HCN4: variants seen among roughly 807,000 people sequenced by gnomAD.
HCN4 encodes the protein potassium/sodium hyperpolarization-activated cyclic nucleotide-gated channel 4.
In HCN4, 29 loss-of-function variants were observed where a neutral mutation model predicts 76.9. The observed-to-expected ratio is 0.38, with a 90% CI of 0.28 to 0.51. HCN4 has a LOEUF of 0.51. Ranked by LOEUF, HCN4 falls within the 20% of genes least tolerant of loss-of-function variation. The pLI is 0.90. For synonymous variants in HCN4, 772 were observed against 762.5 expected (o/e 1.01, Z -0.21); for missense variants, 1,416 against 1,715.2 (o/e 0.83, Z 3.08).
rs759356193 is a variant in HCN4 at position 73,322,891 on chromosome 15, G to A, written c.3202C>T (p.Arg1068Cys). The change falls in exon 8 of 8, where the codon CGC becomes TGC. Residue 1068 changes from arginine (R) to cysteine (C), a missense_variant. Arg to Cys is a radical substitution (Grantham distance 180). This residue lies in a region of HCN4 where 633 missense variants were observed against 579.8 expected (regional missense o/e 1.09). Transcript: ENST00000261917. The part of the protein sequence containing the change: ...SSPPPPQVPQ[R>C]RGTPPLTPGR... ...GGGGTGAGCGGGGGTGTGCCCCGGC[G>A]CTGGGGGACCTGGGGTGGTGGGGGG... 27 of 1,446,378 alleles carry A rather than the reference G, an allele frequency of 1.9e-5. No individual in the cohort carries two copies. Among genetic ancestry groups the A allele is most frequent in the African/African-American group, 5.6e-5 (4 of 70,918 alleles). The allele number at this position is 1,446,378 out of a possible 1,614,324, so 89.6% of individuals were successfully genotyped here. A position where few individuals can be genotyped will look rare whatever the true frequency, so the allele number is the denominator to read the frequency against.
rs183160777 is a variant in HCN4, at chr15:73,343,168, T to G, written c.1209+217A>C. Among the ~76,000 whole-genome samples the G allele has an allele frequency of 2.6e-4, 40 of 152,358 alleles. 1 individual carries two copies. The highest frequency in any genetic ancestry group is 4.4e-5 in the Non-Finnish European group (3 of 68,038). ...GAGTATATACATGTACCTATATGGT[T>G]CCCTCTATAGCTGTTACACACTTCA... On this transcript the variant is annotated intron_variant, in intron 2 of 7. Coordinates refer to ENST00000261917, the MANE Select transcript of HCN4 (RefSeq NM_005477.3). This position sits in a 1 kb window ranked among gnomAD's most constrained non-coding sequence, Gnocchi z 5.7.
chr15:73,358,519 G>C (rs1042998940), intron 1 of HCN4, among the ~76,000 whole-genome samples: 1 of 152,170 alleles, frequency 6.6e-6, no homozygotes, highest in Non-Finnish European at 1.5e-5. Flanking sequence ...CCTGCCTTCT[G>C]GGCCTAGTAA....
chr15:73,353,175 C>T (rs2043062805), intron 1 of HCN4, among the ~76,000 whole-genome samples: 1 of 152,184 alleles, frequency 6.6e-6, no homozygotes, highest in Non-Finnish European at 1.5e-5. Flanking sequence ...CTCTGAGTTT[C>T]TCCATTTCAC....
At chr15:73,326,793 A>ATTTTTTTT (rs990120364) in intron 4 of HCN4, among the ~76,000 whole-genome samples, 1 of 144,886 alleles carries the variant, frequency 6.9e-6, no homozygotes, top group African/African-American at 2.5e-5. Flanking sequence ...TTATTTATTT[A>ATTTTTTTT]TTTTTTTTGT....
At chr15:73,326,565 G>C (rs957233946) in intron 4 of HCN4, among the ~76,000 whole-genome samples, 3 of 152,118 alleles carry the variant, frequency 2.0e-5, no homozygotes, top group Non-Finnish European at 4.4e-5. Flanking sequence ...GTCTGGACAT[G>C]GGGCAGGAGT....
chr15:73,343,833 C>T lies in HCN4; in HGVS notation c.786-25G>A, dbSNP rs371928726. 18 of 1,612,316 alleles carry T rather than the reference C, an allele frequency of 1.1e-5. No homozygotes were observed. The highest frequency in any genetic ancestry group is 1.1e-4 in the African/African-American group (8 of 74,802). ...TCTGCCCAGAGACACAGGGGTCAGTCGCCAGGAAGAGAGAGAGGACAAGTT... is the reference window on the plus strand; with the variant it reads ...TCTGCCCAGAGACACAGGGGTCAGTTGCCAGGAAGAGAGAGAGGACAAGTT... On this transcript the variant is annotated intron_variant, in intron 1 of 7. Transcript: ENST00000261917. This position sits in a 1 kb window ranked among gnomAD's most constrained non-coding sequence, Gnocchi z 5.7.
At chr15:73,357,740 G>A (rs1019570735) in intron 1 of HCN4, among the ~76,000 whole-genome samples, 3 of 151,950 alleles carry the variant, frequency 2.0e-5, no homozygotes, top group African/African-American at 7.3e-5. Flanking sequence ...ATGACACAAC[G>A]TGCCAGGAAG....
In HCN4 at chr15:73,322,722, C is replaced by A. The variant is rs981056449; in HGVS notation, c.3371G>T (p.Gly1124Val). The A allele has an allele frequency of 1.3e-6, 2 of 1,564,480 alleles. No individual in the cohort carries two copies. The highest frequency in any genetic ancestry group is 1.9e-5 in the Admixed American group (1 of 52,144). ...GCTGCTCCCACTGCCCCCGCTGCCA[C>A]CCCCAGCCCTGGGGAAGAGCGGGAA... ...AAFPLFPRAG[G>V]GSGGSGSSGG... Residue 1124 changes from glycine to valine, a missense_variant, in exon 8 of 8, where the codon GGT becomes GTT. By Grantham distance (109) the Gly-to-Val change is moderately radical. Coordinates refer to ENST00000261917, the MANE Select transcript of HCN4 (RefSeq NM_005477.3).
Position 73,332,781 on chromosome 15 carries a change from C to T in HCN4, c.1210-489G>A, listed in dbSNP as rs889255371. Among the ~76,000 whole-genome samples, 5 of 152,164 alleles carry T rather than the reference C, an allele frequency of 3.3e-5. 1 individual carries two copies. The highest frequency in any genetic ancestry group is 4.8e-5 in the African/African-American group (2 of 41,436). On this transcript the variant is annotated intron_variant, in intron 2 of 7. Transcript: ENST00000261917. ...GGTAGCCACGGAACTGCAGAGGAAG[C>T]GGCACAGGCTCACAGGCCCCAAGTT...
At position 73,325,770 on chromosome 15, in the gene HCN4, G is replaced by A. The variant is rs958136617; in HGVS notation, c.1591-326C>T. ...CATCAACTGTATCTCCAGGGAGGTCGATCACATTTCCTTGGAATGTTACAC... is the reference window on the plus strand; with the variant it reads ...CATCAACTGTATCTCCAGGGAGGTCAATCACATTTCCTTGGAATGTTACAC... On this transcript the variant is annotated intron_variant, in intron 4 of 7. Coordinates refer to ENST00000261917, the MANE Select transcript of HCN4 (RefSeq NM_005477.3). The surrounding 1 kb of genome is among the most constrained non-coding windows in gnomAD (Gnocchi z 7.4). 5.9e-5 allele frequency among the ~76,000 whole-genome samples: 9 copies of A among 152,190 alleles called. No homozygotes were observed. The highest frequency in any genetic ancestry group is 1.2e-4 in the Non-Finnish European group (8 of 68,038).
At chr15:73,335,844 G>A (rs1421309696) in intron 2 of HCN4, among the ~76,000 whole-genome samples, 1 of 152,148 alleles carries the variant, frequency 6.6e-6, no homozygotes, top group African/African-American at 2.4e-5. Flanking sequence ...GTGGGGGCCA[G>A]TGGGGCCCTT....
rs146954200 is a variant in HCN4, at chr15:73,343,604, C to A, written c.990G>T (p.Pro330=). The stretch of plus-strand genomic sequence containing the variant: ...TCAGGTACTTCATTTTAATCCGCTG[C>A]GGGTCCAGGATGATCTCTGTGTTGT... ...VEDNTEIILD[P]QRIKMKYLKS... Residue 330 remains proline, a synonymous_variant, in exon 2 of 8, where the codon CCG becomes CCT. Transcript: ENST00000261917. The surrounding 1 kb of genome is among the most constrained non-coding windows in gnomAD (Gnocchi z 5.7). 1 of 1,614,072 alleles carries A rather than the reference C, an allele frequency of 6.2e-7. No homozygotes were observed. The highest frequency in any genetic ancestry group is 8.5e-7 in the Non-Finnish European group (1 of 1,180,004).
At chr15:73,357,633 G>C (rs747411051) in intron 1 of HCN4, among the ~76,000 whole-genome samples, 10 of 152,034 alleles carry the variant, frequency 6.6e-5, no homozygotes, top group Admixed American at 1.3e-4. Context: ...ATCACTTCCC[G>C]GGAAGGATGC....
intron 3 of HCN4, among the ~76,000 whole-genome samples, chr15:73,331,700 C>A (rs1437634409): frequency 6.6e-6 from 1 of 152,196 alleles, no homozygotes; most frequent in Non-Finnish European, 1.5e-5. Flanking sequence ...CTGCCTCGGC[C>A]TCCTAAAGCA....
intron 4 of HCN4, among the ~76,000 whole-genome samples, chr15:73,326,637 T>G (rs948555990): frequency 1.6e-4 from 24 of 152,112 alleles, no homozygotes; most frequent in African/African-American, 5.3e-4. Context: ...GGAAGACATT[T>G]AAGAGAAATT....
In HCN4 at chr15:73,322,867, G is replaced by T. The variant is rs1315353481; in HGVS notation, c.3226C>A (p.Pro1076Thr). The change falls in exon 8 of 8, where the codon CCC becomes ACC. Residue 1076 changes from proline (P) to threonine (T), a missense_variant. Pro to Thr is a conservative substitution (Grantham distance 38). Transcript: ENST00000261917. ...PQRRGTPPLT[P>T]GRLTQDLKLI... ...TTGAGGTCCTGGGTGAGGCGGCCGG[G>T]GGTGAGCGGGGGTGTGCCCCGGCGC... 1 of 1,479,356 alleles carries T rather than the reference G, an allele frequency of 6.8e-7. No individual in the cohort carries two copies. Among genetic ancestry groups the T allele is most frequent in the Non-Finnish European group, 8.9e-7 (1 of 1,118,602 alleles). 91.6% of individuals were successfully genotyped at this position (1,479,356 alleles called of 1,614,324 possible).
intron 1 of HCN4, among the ~76,000 whole-genome samples, chr15:73,357,144 G>C (rs187122524): frequency 6.6e-6 from 1 of 152,294 alleles, no homozygotes; most frequent in Non-Finnish European, 1.5e-5. Flanking sequence ...GCCAATTCAG[G>C]CTTTGGGATC....
intron 1 of HCN4, among the ~76,000 whole-genome samples, chr15:73,349,724 G>A (rs78339502): frequency 0.03 from 4,576 of 152,116 alleles, 124 homozygotes; most frequent in Middle Eastern, 0.058. Flanking sequence ...TCAGAATCAG[G>A]GGTGAGTCAG....
rs1035772622 is a variant in HCN4 at position 73,322,283 on chromosome 15, A to T, written c.*198T>A. 7 of 593,730 alleles carry T rather than the reference A, an allele frequency of 1.2e-5. No homozygotes were observed. The highest frequency in any genetic ancestry group is 2.1e-5 in the Non-Finnish European group (7 of 329,430). 36.8% of individuals were successfully genotyped at this position (593,730 alleles called of 1,614,324 possible). A position where few individuals can be genotyped will look rare whatever the true frequency, so the allele number is the denominator to read the frequency against. ...CCTCCCTCTAGTGCTGAGTATTAAAATAGTCTATAAAAGCAAGTGACCAAA... is the reference window on the plus strand; with the variant it reads ...CCTCCCTCTAGTGCTGAGTATTAAATTAGTCTATAAAAGCAAGTGACCAAA... On this transcript the variant is annotated 3_prime_UTR_variant, in exon 8 of 8. Coordinates refer to ENST00000261917, the MANE Select transcript of HCN4 (RefSeq NM_005477.3).
Sources: gnomAD v4.1 joint callset for allele counts (sites outside exome capture counted in the v4.1 genomes callset) on GRCh38, gnomAD v4.1.1 for gene constraint, gnomAD v4.1.1 regional missense constraint, Gnocchi (gnomAD v3.1) non-coding constraint, MANE v1.5 for transcripts, NCBI Gene and HGNC (gene_info 2026-07-23, HGNC 2026-07-21) for gene names.